Variants in DSCAM observed in about 807,000 individuals in gnomAD.
DSCAM encodes DS cell adhesion molecule, also known as cell adhesion molecule DSCAM.
A neutral mutation model predicts 217.7 loss-of-function variants in DSCAM; 47 were observed. The ratio of observed to expected loss-of-function variants is 0.22; its 90% CI spans 0.17 to 0.28. The LOEUF is 0.28. DSCAM is among the 10% of genes least tolerant of loss of function. The pLI is 1.00. For synonymous variants in DSCAM, 1,056 were observed against 1,015.3 expected, an observed-to-expected ratio of 1.04 and a Z score of -0.76; for missense variants, 2,080 against 2,618.3, an observed-to-expected ratio of 0.79 and a Z score of 4.49.
chr21:40,307,966 G>A (rs992514333), intron 9 of DSCAM, among the ~76,000 whole-genome samples: 3 of 151,016 alleles, frequency 2.0e-5, no homozygotes, highest in Non-Finnish European at 4.4e-5. Flanking sequence ...ATAGCATTAG[G>A]AGATATACCT....
intron 32 of DSCAM, among the ~76,000 whole-genome samples, chr21:40,030,018 A>T (rs2088487450): frequency 6.6e-6 from 1 of 152,208 alleles, no homozygotes; most frequent in African/African-American, 2.4e-5. Context: ...ACATGCGTGC[A>T]CACATACACA....
intron 3 of DSCAM, among the ~76,000 whole-genome samples, chr21:40,500,460 A>G (rs1295399507): frequency 6.6e-6 from 1 of 152,210 alleles, no homozygotes; most frequent in African/African-American, 2.4e-5. Context: ...AGTGACCAGC[A>G]AGACCTCACT....
intron 29 of DSCAM, among the ~76,000 whole-genome samples, chr21:40,052,539 G>A (rs57847480): frequency 0.26 from 39,220 of 152,108 alleles, 6,140 homozygotes; most frequent in East Asian, 0.49. Context: ...TCTGTTTGCA[G>A]GACTAGAAAA....
intron 10 of DSCAM, among the ~76,000 whole-genome samples, chr21:40,292,543 A>G (rs2073906179): frequency 1.3e-5 from 2 of 152,098 alleles, no homozygotes; most frequent in African/African-American, 4.8e-5. Flanking sequence ...TGGTTATAAG[A>G]GACAGACACT....
intron 3 of DSCAM, among the ~76,000 whole-genome samples, chr21:40,477,219 T>C (rs1403930979): frequency 6.6e-6 from 1 of 152,160 alleles, no homozygotes; most frequent in Non-Finnish European, 1.5e-5. Flanking sequence ...ATGAATTCTT[T>C]TTCACTGAAT....
intron 10 of DSCAM, among the ~76,000 whole-genome samples, chr21:40,286,632 G>C (rs2073827281): frequency 1.4e-5 from 2 of 144,990 alleles, no homozygotes; most frequent in African/African-American, 5.6e-5. Flanking sequence ...CTTCTTTCCA[G>C]ACTTATCTTT....
chr21:40,495,191 T>A (rs186476846), intron 3 of DSCAM, among the ~76,000 whole-genome samples: 88 of 152,262 alleles, frequency 5.8e-4, no homozygotes, highest in African/African-American at 1.9e-3. Context: ...CCAAATTATT[T>A]TAAAAAGTCT....
intron 15 of DSCAM, among the ~76,000 whole-genome samples, chr21:40,174,641 A>T (rs1296065849): frequency 6.6e-6 from 1 of 152,030 alleles, no homozygotes; most frequent in Non-Finnish European, 1.5e-5. Context: ...GAGGATGGGA[A>T]CTATGGCTCA....
intron 9 of DSCAM, among the ~76,000 whole-genome samples, chr21:40,297,351 C>G (rs1046785405): frequency 6.6e-6 from 1 of 152,122 alleles, no homozygotes; most frequent in Non-Finnish European, 1.5e-5. Context: ...TTCTAATCCC[C>G]GTATCTTTCC....
At chr21:40,411,720 A>G (rs1195821049) in intron 3 of DSCAM, among the ~76,000 whole-genome samples, 1 of 152,210 alleles carries the variant, frequency 6.6e-6, no homozygotes, top group Admixed American at 6.5e-5. Context: ...CACATTACCA[A>G]TATAAGTAAT....
chr21:40,071,790 G>C (rs903020356), intron 27 of DSCAM, among the ~76,000 whole-genome samples: 1 of 152,148 alleles, frequency 6.6e-6, no homozygotes, highest in South Asian at 2.1e-4. Flanking sequence ...ATGTGGGTTC[G>C]CTTGTTATTG....
chr21:40,531,416 C>T (rs2076445842), intron 3 of DSCAM, among the ~76,000 whole-genome samples: 2 of 152,232 alleles, frequency 1.3e-5, no homozygotes, highest in African/African-American at 2.4e-5. Flanking sequence ...CGGTCCTTCT[C>T]CAGCACCCAG....
chr21:40,187,753 C>A (rs1441226045), intron 13 of DSCAM, 138 bp downstream of exon 13: 6 of 805,740 alleles, frequency 7.4e-6, no homozygotes, highest in Non-Finnish European at 1.2e-5. Context: ...TTAGCACTGA[C>A]ATTATACATA....
At chr21:40,372,938 G>T (rs1184476697) in intron 3 of DSCAM, among the ~76,000 whole-genome samples, 1 of 152,162 alleles carries the variant, frequency 6.6e-6, no homozygotes, top group Non-Finnish European at 1.5e-5. Flanking sequence ...TAGCATAGGG[G>T]CCAGTGGGAT....
At chr21:40,419,131 C>A (rs9979428) in intron 3 of DSCAM, among the ~76,000 whole-genome samples, 1 of 138,982 alleles carries the variant, frequency 7.2e-6, no homozygotes, top group African/African-American at 3.0e-5. Context: ...CCACCATACC[C>A]GGCTAGCTTT....
chr21:40,433,155 G>A lies in DSCAM; in HGVS notation c.509-63910C>T, dbSNP rs551020772. On this transcript the variant is annotated intron_variant, in intron 3 of 32. Coordinates refer to ENST00000400454, the MANE Select transcript of DSCAM (RefSeq NM_001389.5). Reference sequence around the variant, plus strand: ...GGGTGAATCACGAGGTCAGAAGATAGAGACCATCCTGGCCAACACGGTGAA... The same window carrying A: ...GGGTGAATCACGAGGTCAGAAGATAAAGACCATCCTGGCCAACACGGTGAA... Among the ~76,000 whole-genome samples the A allele has an allele frequency of 3.7e-4, 57 of 152,012 alleles. No individual in the cohort carries two copies. The Middle Eastern group carries it at 0.017, about 45-fold the overall frequency.
chr21:40,169,617 G>A (rs1047976715), intron 15 of DSCAM, among the ~76,000 whole-genome samples: 3 of 152,282 alleles, frequency 2.0e-5, no homozygotes, highest in African/African-American at 4.8e-5. Flanking sequence ...AAACGAAGCC[G>A]ATTCTCCAGC....
At chr21:40,385,984 G>T (rs1052965342) in intron 3 of DSCAM, among the ~76,000 whole-genome samples, 6 of 152,190 alleles carry the variant, frequency 3.9e-5, no homozygotes, top group Admixed American at 6.5e-5. Flanking sequence ...GTGCAAGGTT[G>T]TAAGTGTTCA....
At chr21:40,823,096 G>A (rs919077554) in intron 1 of DSCAM, among the ~76,000 whole-genome samples, 2 of 152,078 alleles carry the variant, frequency 1.3e-5, no homozygotes, top group Admixed American at 1.3e-4. Flanking sequence ...GTTGCCGTGA[G>A]CCGAAATTGT....
Sources: allele counts gnomAD v4.1 joint callset (sites outside exome capture counted in the v4.1 genomes callset), GRCh38; gene constraint gnomAD v4.1.1; transcripts MANE v1.5; gene names NCBI Gene and HGNC (gene_info 2026-07-23, HGNC 2026-07-21).